ZNF609: variants seen among roughly 807,000 people sequenced by gnomAD.
ZNF609 encodes the protein zinc finger protein 609.
ZNF609 carries 11 observed loss-of-function variants against 109.5 expected under a neutral mutation model. That is an observed-to-expected ratio of 0.10 (90% CI 0.06 to 0.17). The LOEUF (loss-of-function observed/expected upper bound fraction) is 0.17, where lower values mean the gene tolerates loss of function less well. ZNF609 is among the 10% of genes least tolerant of loss of function. ZNF609 has a pLI of 1.00. For missense variants in ZNF609, 1,559 were observed against 1,772.4 expected (o/e 0.88, Z 2.16); for synonymous variants, 646 against 662.0 (o/e 0.98, Z 0.37).
chr15:64,521,394 A>G (rs1893889143), intron 2 of ZNF609, among the ~76,000 whole-genome samples: 1 of 152,166 alleles, frequency 6.6e-6, no homozygotes, highest in South Asian at 2.1e-4. Context: ...GTGGCTGGAT[A>G]TGGAGTAGGG....
chr15:64,648,767 AAT>A (rs200964308), intron 3 of ZNF609, among the ~76,000 whole-genome samples: 21 of 151,738 alleles, frequency 1.4e-4, no homozygotes, highest in Non-Finnish European at 2.5e-4. Context: ...AAAAAAAAAA[AAT>A]TAGGGAAAGC....
intron 2 of ZNF609, among the ~76,000 whole-genome samples, chr15:64,546,204 CT>C (rs1894357036): frequency 6.6e-6 from 1 of 152,146 alleles, no homozygotes; most frequent in Non-Finnish European, 1.5e-5. Context: ...GGCTATACAT[CT>C]TAGTCACTGT....
chr15:64,547,598 T>A (rs560216150), intron 2 of ZNF609, among the ~76,000 whole-genome samples: 2 of 152,132 alleles, frequency 1.3e-5, no homozygotes, highest in South Asian at 4.2e-4. Context: ...AAAACCAGGT[T>A]ACTCAGGAGG....
chr15:64,609,995 G>A (rs910399843), intron 2 of ZNF609, among the ~76,000 whole-genome samples: 4 of 151,732 alleles, frequency 2.6e-5, no homozygotes, highest in African/African-American at 9.7e-5. Flanking sequence ...CTGGGTGACA[G>A]CATGAGATGC....
intron 2 of ZNF609, among the ~76,000 whole-genome samples, chr15:64,525,810 G>T (rs1384523076): frequency 2.0e-5 from 3 of 150,212 alleles, no homozygotes; most frequent in South Asian, 4.2e-4. Flanking sequence ...TTGAGACAGA[G>T]TCTCACTCTG....
In ZNF609 at chr15:64,675,630, A is replaced by G. The variant is rs1163365381; in HGVS notation, c.2776A>G (p.Thr926Ala). Residue 926 changes from threonine to alanine, a missense_variant, in exon 5 of 10, where the codon ACA (threonine) becomes GCA (alanine). This residue lies in a region of ZNF609 where 1,204 missense variants were observed against 1,314.1 expected (regional missense o/e 0.92). Coordinates refer to ENST00000326648, the MANE Select transcript of ZNF609 (RefSeq NM_015042.2). ...QAGVESQALK[T>A]KRDEEPESIE... ...AGGAGTGGAGAGCCAGGCCCTGAAG[A>G]CAAAAAGGGATGAGGAACCTGAGAG... 3.1e-6 allele frequency: 5 copies of G among 1,613,914 alleles called. No homozygotes were observed. The highest frequency in any genetic ancestry group is 1.3e-5 in the African/African-American group (1 of 74,896).
chr15:64,481,125 G>T (rs563438932), intron 1 of ZNF609, among the ~76,000 whole-genome samples: 1 of 152,128 alleles, frequency 6.6e-6, no homozygotes, highest in South Asian at 2.1e-4. Flanking sequence ...ATTGAGCTGT[G>T]ATCATGTATA....
chr15:64,532,175 G>A (rs571453823), intron 2 of ZNF609, among the ~76,000 whole-genome samples: 1 of 152,178 alleles, frequency 6.6e-6, no homozygotes, highest in East Asian at 1.9e-4. Context: ...ACGTAGCATG[G>A]CCAACTCCCT....
At chr15:64,528,815 T>C (rs1894010408) in intron 2 of ZNF609, 3 of 833,040 alleles carry the variant, frequency 3.6e-6, no homozygotes, top group Non-Finnish European at 6.1e-6. Flanking sequence ...GGTGTTGCTG[T>C]TGAAGTCGAA....
At chr15:64,668,465 A>G (rs757743953) in intron 3 of ZNF609, among the ~76,000 whole-genome samples, 7 of 152,200 alleles carry the variant, frequency 4.6e-5, no homozygotes, top group African/African-American at 9.7e-5. Flanking sequence ...ATTATATTTA[A>G]TGGTAAAAGA....
chr15:64,566,110 A>G (rs1947016589), intron 2 of ZNF609, among the ~76,000 whole-genome samples: 1 of 152,096 alleles, frequency 6.6e-6, no homozygotes, highest in East Asian at 1.9e-4. Flanking sequence ...TCAACCTCCC[A>G]AAGTGTTGGG....
chr15:64,680,066 T>C, intron 6 of ZNF609, 119 bp from the exon 7 acceptor site: 1 of 1,073,216 alleles, frequency 9.3e-7, no homozygotes, highest in South Asian at 1.5e-5. Context: ...AAAGACACTA[T>C]GTTAGAAAAT....
intron 1 of ZNF609, among the ~76,000 whole-genome samples, chr15:64,483,087 TTTTC>T (rs1245958737): frequency 3.3e-5 from 5 of 152,062 alleles, no homozygotes; most frequent in African/African-American, 4.8e-5. Flanking sequence ...TGTTTCAGTT[TTTTC>T]TTTCTTTTTT....
intron 5 of ZNF609, 120 bp from the exon 6 acceptor site, chr15:64,677,996 T>G: frequency 1.5e-6 from 2 of 1,366,156 alleles, no homozygotes; most frequent in Non-Finnish European, 2.0e-6. Context: ...GCCAAAATCC[T>G]ACTCTGCCCC....
At chr15:64,518,836 C>T (rs1178724004) in intron 2 of ZNF609, among the ~76,000 whole-genome samples, 1 of 151,776 alleles carries the variant, frequency 6.6e-6, no homozygotes, top group African/African-American at 2.4e-5. Context: ...ACCACTTACT[C>T]ATAGGAGGGA....
chr15:64,471,603 A>G (rs766537289), intron 1 of ZNF609, among the ~76,000 whole-genome samples: 19 of 152,156 alleles, frequency 1.2e-4, no homozygotes, highest in Non-Finnish European at 2.2e-4. Flanking sequence ...TGTCCCCCCA[A>G]GATGGAGTTT....
At chr15:64,518,449 CT>C (rs1210374885) in intron 2 of ZNF609, among the ~76,000 whole-genome samples, 1 of 152,128 alleles carries the variant, frequency 6.6e-6, no homozygotes, top group Non-Finnish European at 1.5e-5. Context: ...GGCTGGAGTG[CT>C]ATGGGGTCAG....
intron 2 of ZNF609, among the ~76,000 whole-genome samples, chr15:64,612,888 G>A (rs1282054682): frequency 1.3e-5 from 2 of 152,114 alleles, no homozygotes; most frequent in South Asian, 2.1e-4. Context: ...GGTGGCATGC[G>A]TCTGTAATCC....
chr15:64,615,042 C>G (rs751215382), intron 2 of ZNF609, among the ~76,000 whole-genome samples: 5 of 152,248 alleles, frequency 3.3e-5, no homozygotes, highest in South Asian at 4.1e-4. Context: ...TCGTCTCAAA[C>G]TCCTGACCTC....
Sources: gnomAD v4.1 joint callset for allele counts (sites outside exome capture counted in the v4.1 genomes callset) on GRCh38, gnomAD v4.1.1 for gene constraint, gnomAD v4.1.1 regional missense constraint, MANE v1.5 for transcripts, NCBI Gene and HGNC (gene_info 2026-07-23, HGNC 2026-07-21) for gene names.